Variants in EXD3 observed in about 807,000 individuals in gnomAD.
The protein encoded by EXD3 is exonuclease 3'-5' domain containing 3.
A neutral mutation model predicts 98.0 loss-of-function variants in EXD3; 92 were observed. The ratio of observed to expected loss-of-function variants is 0.94; its 90% CI spans 0.79 to 1.12. EXD3 has a LOEUF of 1.12. Ranked by LOEUF, EXD3 falls within the 50% of genes most tolerant of loss-of-function variation. The pLI is 0.00. For missense variants in EXD3, 1,222 were observed against 1,191.6 expected, an observed-to-expected ratio of 1.03 and a Z score of -0.38; for synonymous variants, 569 against 526.0, an observed-to-expected ratio of 1.08 and a Z score of -1.12.
rs771178108 is a variant in EXD3 at position 137,307,202 on chromosome 9, C to T, written c.2379G>A (p.Gln793=). ...GTGTCTCCGCCCGCAGGTCAGCCATCTGCAGCCAGCGGCAGGGGCGGTCAT... is the reference window on the plus strand; with the variant it reads ...GTGTCTCCGCCCGCAGGTCAGCCATTTGCAGCCAGCGGCAGGGGCGGTCAT... ...CTYDRPCRWL[Q]MADLRAETPD... is the part of the protein sequence containing the mutation. Residue 793 remains glutamine, a synonymous_variant, in exon 22 of 22, where the codon CAG becomes CAA. Transcript: ENST00000340951. 6.3e-6 allele frequency: 10 copies of T among 1,583,814 alleles called. No homozygotes were observed. Among genetic ancestry groups the T allele is most frequent in the Non-Finnish European group, 8.6e-6 (10 of 1,166,244 alleles).
chr9:137,374,435 G>A (rs982211503), intron 3 of EXD3: 17 of 466,316 alleles, frequency 3.6e-5, no homozygotes, highest in African/African-American at 1.5e-4. Flanking sequence ...CGCTGTTCTC[G>A]TCCCTGCGAT....
intron 2 of EXD3, among the ~76,000 whole-genome samples, chr9:137,394,964 G>C (rs1267963158): frequency 6.6e-6 from 1 of 152,046 alleles, no homozygotes; most frequent in Non-Finnish European, 1.5e-5. Context: ...CTCCCCGAGG[G>C]ACAGAGGGGA....
chr9:137,372,870 G>A (rs773375460), intron 5 of EXD3, 35 bp downstream of exon 5: 28 of 1,593,726 alleles, frequency 1.8e-5, no homozygotes, highest in Middle Eastern at 2.2e-4. Flanking sequence ...CCGAGAAGCC[G>A]TTTCCCCATG....
chr9:137,384,391 C>T (rs1244291498), intron 2 of EXD3, among the ~76,000 whole-genome samples: 3 of 152,236 alleles, frequency 2.0e-5, no homozygotes, highest in Non-Finnish European at 2.9e-5. Context: ...GTGGCCCTTT[C>T]GGTAGACACA....
rs1007967386 is a variant in EXD3, at chr9:137,384,683, G to A, written c.56-1306C>T. 2.0e-5 allele frequency among the ~76,000 whole-genome samples: 3 copies of A among 152,194 alleles called. No individual in the cohort carries two copies. In the South Asian group the frequency reaches 6.2e-4, roughly 32 times the overall value. On this transcript the variant is annotated intron_variant, in intron 2 of 21. Coordinates refer to ENST00000340951, the MANE Select transcript of EXD3 (RefSeq NM_017820.5). ...GCCGTTAGAATTAACCAATGGGTTC[G>A]GCATCAATGCTCAGCACAAGCCAAA...
At chr9:137,310,245 C>CATT (rs1044436304) in intron 19 of EXD3, among the ~76,000 whole-genome samples, 1 of 152,148 alleles carries the variant, frequency 6.6e-6, no homozygotes, top group African/African-American at 2.4e-5. Context: ...CCCATGGCTG[C>CATT]ATTATTATTA....
At chr9:137,376,331 A>G (rs1218295491) in intron 3 of EXD3, among the ~76,000 whole-genome samples, 3 of 141,794 alleles carry the variant, frequency 2.1e-5, no homozygotes, top group Non-Finnish European at 3.1e-5. Context: ...GCGACAGAGC[A>G]AGACTCTGTC....
At chr9:137,373,121 G>A (rs1290597999) in intron 4 of EXD3, 49 bp from the exon 5 acceptor site, 2 of 1,508,186 alleles carry the variant, frequency 1.3e-6, no homozygotes, top group Non-Finnish European at 1.8e-6. Context: ...CCAGTGGCTG[G>A]GCCATGGGGC....
At chr9:137,323,531 G>T (rs1173297249) in intron 19 of EXD3, among the ~76,000 whole-genome samples, 194 bp downstream of exon 19, 5 of 101,240 alleles carry the variant, frequency 4.9e-5, no homozygotes, top group African/African-American at 2.9e-4. Context: ...ACCCACGAGG[G>T]ATGATCTGCC....
intron 17 of EXD3, among the ~76,000 whole-genome samples, chr9:137,339,065 C>T (rs997750067): frequency 1.3e-5 from 2 of 151,876 alleles, no homozygotes; most frequent in Non-Finnish European, 2.9e-5. Context: ...TTTGAAATGT[C>T]GGATTAAATG....
At chr9:137,350,045 G>C (rs1453147162) in intron 14 of EXD3, among the ~76,000 whole-genome samples, 1 of 145,180 alleles carries the variant, frequency 6.9e-6, no homozygotes, top group Non-Finnish European at 1.5e-5. Flanking sequence ...TGGGGATCAC[G>C]GGGAAGGTTC....
rs777463535 is a variant in EXD3, at chr9:137,352,684, G to C, written c.973C>G (p.Leu325Val). 1 of 1,557,480 alleles carries C rather than the reference G, an allele frequency of 6.4e-7. No homozygotes were observed. Among genetic ancestry groups the C allele is most frequent in the Non-Finnish European group, 8.7e-7 (1 of 1,151,716 alleles). Reference protein sequence around the residue: ...TAAQCAMELLLPEERLPAAVA... With the variant: ...TAAQCAMELLVPEERLPAAVA... Reference sequence around the variant, plus strand: ...GCAGCCGGCAGCCGCTCCTCGGGCAGCAAGAGTTCCATGGCACACTGGGCG... The same window carrying C: ...GCAGCCGGCAGCCGCTCCTCGGGCACCAAGAGTTCCATGGCACACTGGGCG... The change falls in exon 11 of 22, where the codon CTG becomes GTG. Residue 325 changes from leucine to valine, a missense_variant. Leu to Val is a conservative substitution (Grantham distance 32, BLOSUM62 1). Transcript: ENST00000340951.
intron 3 of EXD3, among the ~76,000 whole-genome samples, chr9:137,374,322 C>T (rs1261190241): frequency 2.6e-5 from 4 of 152,240 alleles, no homozygotes; most frequent in Non-Finnish European, 2.9e-5. Context: ...CTGAAGCCGA[C>T]GGCCACGCAG....
At chr9:137,376,949 G>T (rs202231437) in intron 3 of EXD3, 1 of 129,440 alleles carries the variant, frequency 7.7e-6, no homozygotes, top group African/African-American at 3.1e-5. Context: ...AAAAAAAAAA[G>T]CCTCTTTCTG....
chr9:137,353,770 G>A, intron 10 of EXD3: 1 of 985,848 alleles, frequency 1.0e-6, no homozygotes, highest in Non-Finnish European at 1.2e-6. Context: ...GGAAGGGAGG[G>A]GACCTGCCCA....
intron 1 of EXD3, among the ~76,000 whole-genome samples, chr9:137,417,650 A>C (rs1337162784): frequency 6.6e-6 from 1 of 152,096 alleles, no homozygotes; most frequent in Non-Finnish European, 1.5e-5. Context: ...CGAGCGGAGG[A>C]GGAGGCGCGC....
intron 17 of EXD3, among the ~76,000 whole-genome samples, chr9:137,342,329 G>A (rs1833689388): frequency 7.5e-6 from 1 of 134,102 alleles, no homozygotes; most frequent in South Asian, 2.7e-4. Flanking sequence ...TCAGGCACCA[G>A]GAGCCGTCTC....
At chr9:137,368,847 C>T (rs1835419030) in intron 5 of EXD3, among the ~76,000 whole-genome samples, 1 of 151,604 alleles carries the variant, frequency 6.6e-6, no homozygotes, top group African/African-American at 2.4e-5. Context: ...GGCGCAGGGC[C>T]CGGGGCGGGG....
intron 20 of EXD3, among the ~76,000 whole-genome samples, chr9:137,308,289 G>A (rs958225415): frequency 1.3e-5 from 2 of 152,178 alleles, no homozygotes; most frequent in South Asian, 2.1e-4. Context: ...CGCTACAGAT[G>A]GCTCCAGATC....
Sources: gnomAD v4.1 joint callset for allele counts (sites outside exome capture counted in the v4.1 genomes callset) on GRCh38, gnomAD v4.1.1 for gene constraint, MANE v1.5 for transcripts, NCBI Gene and HGNC (gene_info 2026-07-23, HGNC 2026-07-21) for gene names.